Variants in CNST observed in about 807,000 individuals in gnomAD.
The protein encoded by CNST is consortin.
CNST carries 39 observed loss-of-function variants against 72.4 expected under a neutral mutation model. That is an observed-to-expected ratio of 0.54 (90% CI 0.42 to 0.70). CNST has a LOEUF of 0.70. CNST is among the 30% of genes least tolerant of loss of function. The probability of loss-of-function intolerance (pLI) is 0.00; values close to 1 mark genes in which losing one functional copy is unlikely to be tolerated. For synonymous variants in CNST, 332 were observed against 320.1 expected (o/e 1.04, Z -0.40); for missense variants, 871 against 868.5 (o/e 1.00, Z -0.04).
chr1:246,631,891 C>A lies in CNST; in HGVS notation c.586-3C>A, dbSNP rs775141805. Reference sequence around the variant, plus strand: ...TTCTCTGTGTTTTCTTTGTTTTTAACAGATAGCAGAATCCTATTTCCAGGA... The same window carrying A: ...TTCTCTGTGTTTTCTTTGTTTTTAAAAGATAGCAGAATCCTATTTCCAGGA... On this transcript the variant is annotated splice_polypyrimidine_tract_variant and splice_region_variant and intron_variant, in intron 3 of 10. Transcript: ENST00000366513. 1.3e-6 allele frequency: 2 copies of A among 1,536,380 alleles called. No homozygotes were observed. The highest frequency in any genetic ancestry group is 1.8e-6 in the Non-Finnish European group (2 of 1,119,028).
chr1:246,637,106 G>A (rs1236671953), intron 6 of CNST, among the ~76,000 whole-genome samples: 1 of 152,092 alleles, frequency 6.6e-6, no homozygotes, highest in East Asian at 1.9e-4. Context: ...AAAATTTTTT[G>A]GTTAATTTCA....
rs996357663 is a variant in CNST, at chr1:246,666,068, G to C, written c.*163G>C. 6.7e-6 allele frequency: 4 copies of C among 595,768 alleles called. No individual in the cohort carries two copies. The highest frequency in any genetic ancestry group is 3.0e-5 in the Admixed American group (1 of 33,838). The allele number at this position is 595,768 out of a possible 1,614,324, so 36.9% of individuals were successfully genotyped here. A position where few individuals can be genotyped will look rare whatever the true frequency, so the allele number is the denominator to read the frequency against. On this transcript the variant is annotated 3_prime_UTR_variant, in exon 11 of 11. Transcript: ENST00000366513. Reference sequence around the variant, plus strand: ...GTGGCAAGCCGGAGGAACTCTGTTAGAATAATCCACACAGTGAGGCAAATA... The same window carrying C: ...GTGGCAAGCCGGAGGAACTCTGTTACAATAATCCACACAGTGAGGCAAATA...
At chr1:246,593,853 C>T (rs1661704274) in intron 2 of CNST, among the ~76,000 whole-genome samples, 1 of 152,152 alleles carries the variant, frequency 6.6e-6, no homozygotes, top group South Asian at 2.1e-4. Flanking sequence ...GCCTTGATCT[C>T]CCAGGCACAA....
At position 246,634,019 on chromosome 1, in the gene CNST, A is replaced by G. The variant is rs767995047; in HGVS notation, c.703+9A>G. 6.4e-7 allele frequency: 1 copy of G among 1,564,106 alleles called. No individual in the cohort carries two copies. Among genetic ancestry groups the G allele is most frequent in the Non-Finnish European group, 8.8e-7 (1 of 1,135,678 alleles). On this transcript the variant is annotated intron_variant, in intron 5 of 10. Coordinates refer to ENST00000366513, the MANE Select transcript of CNST (RefSeq NM_152609.3). ...CATTCAAGAACAGTGGGGTAAGTAC[A>G]GACCAACATGGAATGTGGAATTAGC...
In CNST at chr1:246,577,740, G is replaced by C. The variant is rs946871649; in HGVS notation, c.-52+11077G>C. Among the ~76,000 whole-genome samples the C allele has an allele frequency of 7.9e-5, 12 of 152,076 alleles. No individual in the cohort carries two copies. The South Asian group carries it at 2.5e-3, about 31-fold the overall frequency. On this transcript the variant is annotated intron_variant, in intron 1 of 10. Coordinates refer to ENST00000366513, the MANE Select transcript of CNST (RefSeq NM_152609.3). ...TGAAGAAACAAAAGTGGAAAGGCTAGGTTAAAATAAATTTGACCCTGGCCT... is the reference window on the plus strand; with the variant it reads ...TGAAGAAACAAAAGTGGAAAGGCTACGTTAAAATAAATTTGACCCTGGCCT...
At chr1:246,625,868 GTGATT>G (rs1664396098) in intron 3 of CNST, among the ~76,000 whole-genome samples, 1 of 152,070 alleles carries the variant, frequency 6.6e-6, no homozygotes, top group Admixed American at 6.5e-5. Context: ...AAAGTCACCA[GTGATT>G]TCCATGTTGT....
Position 246,666,043 on chromosome 1 carries a change from G to T in CNST, c.*138G>T, listed in dbSNP as rs1298496703. On this transcript the variant is annotated 3_prime_UTR_variant, in exon 11 of 11. Coordinates refer to ENST00000366513, the MANE Select transcript of CNST (RefSeq NM_152609.3). ...AGGACATCAGAAATAGCAACTTTAA[G>T]TGGCAAGCCGGAGGAACTCTGTTAG... is the stretch of plus-strand genomic sequence containing the variant. 1.6e-6 allele frequency: 1 copy of T among 624,074 alleles called. No homozygotes were observed. The highest frequency in any genetic ancestry group is 2.8e-5 in the East Asian group (1 of 36,324). 38.7% of individuals were successfully genotyped at this position (624,074 alleles called of 1,614,324 possible). A position where few individuals can be genotyped will look rare whatever the true frequency, so the allele number is the denominator to read the frequency against.
chr1:246,661,929 G>A (rs1667123653), intron 10 of CNST, among the ~76,000 whole-genome samples: 1 of 152,130 alleles, frequency 6.6e-6, no homozygotes, highest in Non-Finnish European at 1.5e-5. Context: ...TCCAGATAAG[G>A]TGCTCACTTC....
intron 3 of CNST, among the ~76,000 whole-genome samples, chr1:246,627,955 T>G (rs1664546758): frequency 6.6e-6 from 1 of 150,666 alleles, no homozygotes; most frequent in Non-Finnish European, 1.5e-5. Flanking sequence ...AAGTATTAAC[T>G]CGCATGATCA....
At chr1:246,662,481 C>T (rs1291032509) in intron 10 of CNST, among the ~76,000 whole-genome samples, 2 of 152,172 alleles carry the variant, frequency 1.3e-5, no homozygotes, top group African/African-American at 4.8e-5. Flanking sequence ...CTCCGCCTCC[C>T]GAGTTCAAGC....
chr1:246,575,820 GAA>G (rs1303801917), intron 1 of CNST, among the ~76,000 whole-genome samples: 2 of 151,926 alleles, frequency 1.3e-5, no homozygotes, highest in Admixed American at 1.3e-4. Context: ...AGTGGAAGAG[GAA>G]AAAAGTAATT....
intron 9 of CNST, among the ~76,000 whole-genome samples, chr1:246,651,007 GT>G (rs1666418517): frequency 6.6e-6 from 1 of 152,058 alleles, no homozygotes; most frequent in Non-Finnish European, 1.5e-5. Context: ...TGTGCTTTCA[GT>G]AAAATTTTAT....
chr1:246,580,250 T>C (rs1225309857), intron 1 of CNST, among the ~76,000 whole-genome samples: 2 of 152,218 alleles, frequency 1.3e-5, no homozygotes, highest in African/African-American at 2.4e-5. Flanking sequence ...TTTTGAGAAC[T>C]GTATGTAGAT....
chr1:246,598,149 ATT>A (rs56847805), intron 2 of CNST, among the ~76,000 whole-genome samples: 224 of 135,500 alleles, frequency 1.7e-3, no homozygotes, highest in East Asian at 3.7e-3. Context: ...GCTCAGCTGA[ATT>A]TTTTTTTTTT....
At chr1:246,620,063 A>ATC (rs1341408219) in intron 2 of CNST, among the ~76,000 whole-genome samples, 3 of 48,770 alleles carry the variant, frequency 6.2e-5, no homozygotes, top group African/African-American at 1.7e-4. Flanking sequence ...GGACGGCTTC[A>ATC]GTCGTGCATA....
intron 10 of CNST, among the ~76,000 whole-genome samples, chr1:246,663,472 G>A (rs1667224540): frequency 6.6e-6 from 1 of 152,152 alleles, no homozygotes; most frequent in Non-Finnish European, 1.5e-5. Flanking sequence ...TGGGCGTGGT[G>A]GCTTATGCCT....
intron 3 of CNST, among the ~76,000 whole-genome samples, chr1:246,627,806 A>T (rs1212334595): frequency 6.6e-6 from 1 of 151,504 alleles, no homozygotes; most frequent in African/African-American, 2.4e-5. Context: ...AGAGGGATGG[A>T]TGTGAGATCT....
rs1663786805 is a variant in CNST at position 246,617,511 on chromosome 1, G to C, written c.380-3918G>C. Among the ~76,000 whole-genome samples, 5 of 152,332 alleles carry C rather than the reference G, an allele frequency of 3.3e-5. No homozygotes were observed. In the South Asian group the frequency reaches 1.0e-3, roughly 32 times the overall value. ...CAGGCTGAGACTTAGGGGCACTCCT[G>C]CTTTTGGCATGCACTGTCTCATTTA... On this transcript the variant is annotated intron_variant, in intron 2 of 10. Coordinates refer to ENST00000366513, the MANE Select transcript of CNST (RefSeq NM_152609.3).
intron 2 of CNST, among the ~76,000 whole-genome samples, chr1:246,597,767 T>C (rs1297091607): frequency 6.6e-6 from 1 of 152,192 alleles, no homozygotes; most frequent in Non-Finnish European, 1.5e-5. Flanking sequence ...GAGTCTCGGT[T>C]CTGCCTGTTC....
Sources: allele counts gnomAD v4.1 joint callset (sites outside exome capture counted in the v4.1 genomes callset), GRCh38; gene constraint gnomAD v4.1.1; transcripts MANE v1.5; gene names NCBI Gene and HGNC (gene_info 2026-07-23, HGNC 2026-07-21).